The following GLRX3 variants were observed in gnomAD, a reference collection of about 807,000 sequenced individuals.
The protein encoded by GLRX3 is glutaredoxin-3.
GLRX3 carries 22 observed loss-of-function variants against 49.5 expected under a neutral mutation model. That is an observed-to-expected ratio of 0.44 (90% CI 0.32 to 0.63). GLRX3 has a LOEUF of 0.63. GLRX3 is among the 30% of genes least tolerant of loss of function. The probability of loss-of-function intolerance (pLI) is 0.05; values close to 1 mark genes in which losing one functional copy is unlikely to be tolerated. For synonymous variants in GLRX3, 133 were observed against 140.0 expected (o/e 0.95, Z 0.35); for missense variants, 385 against 396.3 (o/e 0.97, Z 0.24).
At position 130,160,038 on chromosome 10, in the gene GLRX3, T is replaced by G; in HGVS notation, c.245T>G (p.Ile82Ser). ...CCTGAAGTATCTGAAAAATATGAAA[T>G]TAGCTCTGTTCCCACTTTTCTGTTT... ...GVPEVSEKYE[I>S]SSVPTFLFFK... The change falls in exon 3 of 11, where the codon ATT becomes AGT. Residue 82 changes from isoleucine to serine, a missense_variant. Transcript: ENST00000331244. 1 of 1,602,330 alleles carries G rather than the reference T, an allele frequency of 6.2e-7. No homozygotes were observed. Among genetic ancestry groups the G allele is most frequent in the Non-Finnish European group, 8.6e-7 (1 of 1,169,302 alleles).
chr10:130,172,984 T>C (rs549614364), intron 8 of GLRX3, among the ~76,000 whole-genome samples: 20 of 152,212 alleles, frequency 1.3e-4, no homozygotes, highest in Non-Finnish European at 2.9e-4. Context: ...TATGACATTT[T>C]ATAGAAGCAA....
At position 130,166,965 on chromosome 10, in the gene GLRX3, C is replaced by A; in HGVS notation, c.698C>A (p.Pro233His). The A allele has an allele frequency of 6.3e-7, 1 of 1,586,790 alleles. No individual in the cohort carries two copies. The highest frequency in any genetic ancestry group is 1.7e-4 in the Middle Eastern group (1 of 5,938). Reference sequence around the variant, plus strand: ...CTAGATACAATTTGTCCCAAAGCTCCCAAATTAGAGGAAAGGTAAGTGTTT... The same window carrying A: ...CTAGATACAATTTGTCCCAAAGCTCACAAATTAGAGGAAAGGTAAGTGTTT... ...EELDTICPKA[P>H]KLEERLKVLT... Residue 233 changes from proline to histidine, a missense_variant, in exon 6 of 11, where the codon CCC becomes CAC. Coordinates refer to ENST00000331244, the MANE Select transcript of GLRX3 (RefSeq NM_006541.5).
chr10:130,145,530 C>T (rs906733217), intron 2 of GLRX3, among the ~76,000 whole-genome samples: 4 of 152,006 alleles, frequency 2.6e-5, no homozygotes, highest in East Asian at 3.9e-4. Flanking sequence ...GGCGTGGTGG[C>T]GGGTGCCTAT....
Position 130,169,427 on chromosome 10 carries a change from C to A in GLRX3, c.714-6C>A. ...GAGCCGTTTTATATCAATTTTCTCTCTTTAGGCTCAAAGTGCTGACAAATA... is the reference window on the plus strand; with the variant it reads ...GAGCCGTTTTATATCAATTTTCTCTATTTAGGCTCAAAGTGCTGACAAATA... On this transcript the variant is annotated splice_polypyrimidine_tract_variant and splice_region_variant and intron_variant, in intron 6 of 10. Coordinates refer to ENST00000331244, the MANE Select transcript of GLRX3 (RefSeq NM_006541.5). The A allele has an allele frequency of 6.2e-7, 1 of 1,601,106 alleles. No homozygotes were observed. Among genetic ancestry groups the A allele is most frequent in the Non-Finnish European group, 8.6e-7 (1 of 1,168,150 alleles).
At chr10:130,163,734 C>T (rs185220906) in intron 4 of GLRX3, among the ~76,000 whole-genome samples, 8 of 152,284 alleles carry the variant, frequency 5.3e-5, no homozygotes, top group African/African-American at 1.2e-4. Context: ...TAAGTCACCT[C>T]GACCCTCTGC....
intron 3 of GLRX3, 37 bp downstream of exon 3, chr10:130,160,106 T>G: frequency 8.1e-7 from 1 of 1,236,810 alleles, no homozygotes; most frequent in Non-Finnish European, 1.2e-6. Flanking sequence ...TATCCATTTG[T>G]AGGGTGCCAT....
chr10:130,163,412 ACT>A (rs1390557826), intron 4 of GLRX3, among the ~76,000 whole-genome samples: 2 of 152,182 alleles, frequency 1.3e-5, no homozygotes, highest in African/African-American at 2.4e-5. Flanking sequence ...ACAGAGTGAA[ACT>A]CTGTCTCAAA....
At chr10:130,173,834 GT>G (rs1211776870) in intron 8 of GLRX3, among the ~76,000 whole-genome samples, 1 of 152,022 alleles carries the variant, frequency 6.6e-6, no homozygotes. Context: ...CCGTCATTTA[GT>G]TTTTTTGACT....
chr10:130,154,470 C>T lies in GLRX3; in HGVS notation c.202-5525C>T, dbSNP rs186089981. Among the ~76,000 whole-genome samples the T allele has an allele frequency of 1.6e-3, 250 of 152,220 alleles. 2 individuals are homozygous for T. The highest frequency in any genetic ancestry group is 5.5e-3 in the African/African-American group (228 of 41,556). ...TGTTCCTATTTGGCCATCTTGGAAG[C>T]GATCTCAGCCTAAACTATCAAAACT... On this transcript the variant is annotated intron_variant, in intron 2 of 10. Coordinates refer to ENST00000331244, the MANE Select transcript of GLRX3 (RefSeq NM_006541.5).
At chr10:130,169,522 T>A in intron 7 of GLRX3, 32 bp downstream of exon 7, 1 of 1,379,924 alleles carries the variant, frequency 7.2e-7, no homozygotes, top group Non-Finnish European at 1.0e-6. Context: ...TTATTTGTAA[T>A]TTCTTTTGAT....
intron 2 of GLRX3, among the ~76,000 whole-genome samples, chr10:130,152,581 A>G: frequency 6.6e-6 from 1 of 152,102 alleles, no homozygotes. Context: ...GTTTGGCTGG[A>G]TATGAAATTC....
At position 130,152,354 on chromosome 10, in the gene GLRX3, T is replaced by C. The variant is rs139973276; in HGVS notation, c.201+7035T>C. ...GAATTTGATTCTGTCATTATGATGC[T>C]AACTGGTAATTTTGCCCGTTCGTTA... On this transcript the variant is annotated intron_variant, in intron 2 of 10. Coordinates refer to ENST00000331244, the MANE Select transcript of GLRX3 (RefSeq NM_006541.5). Among the ~76,000 whole-genome samples the C allele has an allele frequency of 4.5e-3, 687 of 152,332 alleles. 4 individuals carry two copies. Among genetic ancestry groups the C allele is most frequent in the African/African-American group, 0.015 (635 of 41,570 alleles).
intron 8 of GLRX3, among the ~76,000 whole-genome samples, chr10:130,173,262 C>T (rs1862849249): frequency 1.3e-5 from 2 of 152,086 alleles, no homozygotes; most frequent in Non-Finnish European, 2.9e-5. Flanking sequence ...GCTTTCTGTC[C>T]CATATCTGTC....
chr10:130,162,193 T>G (rs1352594575), intron 4 of GLRX3, among the ~76,000 whole-genome samples: 1 of 152,194 alleles, frequency 6.6e-6, no homozygotes, highest in Non-Finnish European at 1.5e-5. Flanking sequence ...TTGGTCAGGC[T>G]GGTGTCAAAC....
intron 4 of GLRX3, among the ~76,000 whole-genome samples, chr10:130,162,127 AC>A (rs1189150479): frequency 6.6e-6 from 1 of 152,134 alleles, no homozygotes; most frequent in Non-Finnish European, 1.5e-5. Context: ...ACAGGTGTCC[AC>A]CACCATGCCC....
In GLRX3 at chr10:130,148,460, T is replaced by TTTTTA. The variant is rs1491404379; in HGVS notation, c.201+3141_201+3142insTTTTA. Among the ~76,000 whole-genome samples the TTTTTA allele has an allele frequency of 1.6e-4, 17 of 103,524 alleles. 1 individual carries two copies. Among genetic ancestry groups the TTTTTA allele is most frequent in the African/African-American group, 5.7e-4 (17 of 29,674 alleles). 67.9% of individuals were successfully genotyped at this position (103,524 alleles called of 152,430 possible). A position where few individuals can be genotyped will look rare whatever the true frequency, so the allele number is the denominator to read the frequency against. ...TTTTTTTTTTTTTTTTTTTTTTTTT[T>TTTTTA]AATGATGAAATGGTTTGGCATTTTT... On this transcript the variant is annotated intron_variant, in intron 2 of 10. Transcript: ENST00000331244.
At chr10:130,164,400 A>C (rs568998785) in intron 4 of GLRX3, among the ~76,000 whole-genome samples, 1 of 152,366 alleles carries the variant, frequency 6.6e-6, no homozygotes, top group Admixed American at 6.5e-5. Flanking sequence ...TATTTGAGGC[A>C]TAGTCAGATA....
At chr10:130,158,972 T>C (rs1276886137) in intron 2 of GLRX3, among the ~76,000 whole-genome samples, 1 of 152,184 alleles carries the variant, frequency 6.6e-6, no homozygotes, top group East Asian at 1.9e-4. Flanking sequence ...GCTTCCCACT[T>C]TCTCTGCAAG....
intron 4 of GLRX3, among the ~76,000 whole-genome samples, chr10:130,163,222 C>T (rs146234226): frequency 0.019 from 2,832 of 152,042 alleles, 101 homozygotes; most frequent in African/African-American, 0.065. Context: ...ATCAGGAGTT[C>T]GAGACCAGCC....
Sources: gnomAD v4.1 joint callset for allele counts (sites outside exome capture counted in the v4.1 genomes callset) on GRCh38, gnomAD v4.1.1 for gene constraint, MANE v1.5 for transcripts, NCBI Gene and HGNC (gene_info 2026-07-23, HGNC 2026-07-21) for gene names.